Variants in UNC13C observed in about 807,000 individuals in gnomAD.
The protein encoded by UNC13C is unc-13 homolog C, also known as protein unc-13 homolog C.
UNC13C carries 174 observed loss-of-function variants against 245.4 expected under a neutral mutation model. The ratio of observed to expected loss-of-function variants is 0.71; its 90% confidence interval spans 0.63 to 0.80. The LOEUF is 0.80. Ranked by LOEUF, UNC13C falls within the 30% of genes least tolerant of loss-of-function variation. The pLI is 0.00. For synonymous variants in UNC13C, 992 were observed against 895.1 expected (o/e 1.11, Z -1.93); for missense variants, 2,829 against 2,602.9 (o/e 1.09, Z -1.89).
chr15:53,853,229 G>A, the UNC13C span, among the ~76,000 whole-genome samples: 1 of 152,082 alleles, frequency 6.6e-6, no homozygotes, highest in East Asian at 1.9e-4. Context: ...ATGTGTCTAT[G>A]TGTTCTCATC....
intron 1 of UNC13C, among the ~76,000 whole-genome samples, chr15:53,995,829 A>C (rs1894605545): frequency 6.6e-6 from 1 of 152,182 alleles, no homozygotes; most frequent in South Asian, 2.1e-4. Context: ...ATTTCAGTAG[A>C]GTACTGAGGC....
the UNC13C span, among the ~76,000 whole-genome samples, chr15:53,837,836 C>G: frequency 6.6e-6 from 1 of 152,068 alleles, no homozygotes; most frequent in East Asian, 1.9e-4. Context: ...TTTGAAATGC[C>G]ACCACTGTTA....
intron 19 of UNC13C, chr15:54,417,030 A>C (rs1264963047): frequency 1.1e-5 from 5 of 451,366 alleles, no homozygotes; most frequent in East Asian, 7.0e-5. Flanking sequence ...CATTATCTGT[A>C]GTAGCTCCCA....
chr15:54,008,872 T>C (rs955549165), intron 1 of UNC13C, among the ~76,000 whole-genome samples: 1 of 152,202 alleles, frequency 6.6e-6, no homozygotes. Flanking sequence ...AGTTTTTGGT[T>C]GTATCTCTTT....
At chr15:54,631,405 T>A (rs1374005825), downstream of UNC13C, 3 of 152,212 alleles carry the variant, frequency 2.0e-5, no homozygotes, top group Non-Finnish European at 4.4e-5. Flanking sequence ...GGCATACATT[T>A]CTGTGTTATG....
chr15:54,477,835 A>C (rs1230314121), intron 19 of UNC13C, among the ~76,000 whole-genome samples: 1 of 148,970 alleles, frequency 6.7e-6, no homozygotes, highest in Non-Finnish European at 1.5e-5. Flanking sequence ...AAATGAGTTA[A>C]GGAGGAGTCC....
intron 28 of UNC13C, among the ~76,000 whole-genome samples, chr15:54,553,534 G>C (rs550792630): frequency 9.3e-5 from 13 of 139,226 alleles, no homozygotes; most frequent in African/African-American, 3.4e-4. Flanking sequence ...ACATATATTT[G>C]CCTCAAAATA....
At chr15:54,073,661 T>C (rs1360520808) in intron 2 of UNC13C, among the ~76,000 whole-genome samples, 1 of 152,260 alleles carries the variant, frequency 6.6e-6, no homozygotes, top group East Asian at 1.9e-4. Context: ...CATATGTTTA[T>C]TGGCTGCATA....
At chr15:54,552,672 TATA>T (rs1380038495) in intron 28 of UNC13C, among the ~76,000 whole-genome samples, 4 of 84,318 alleles carry the variant, frequency 4.7e-5, no homozygotes, top group African/African-American at 2.2e-4. Flanking sequence ...TATTGTACTA[TATA>T]ATATAATTAT....
At chr15:54,120,339 C>T (rs955988738) in intron 2 of UNC13C, among the ~76,000 whole-genome samples, 4 of 152,124 alleles carry the variant, frequency 2.6e-5, no homozygotes, top group Non-Finnish European at 4.4e-5. Context: ...TACTTGTGCT[C>T]TGTTAATGGA....
chr15:54,506,997 GA>G lies in UNC13C; in HGVS notation c.5302-113del, dbSNP rs372527996. ...GGCTCAGAAACAGTTGTTAGAGGGA[GA>G]AAAAAATGTAGAACTAAGATGAAAA... On this transcript the variant is annotated intron_variant, in intron 22 of 32. Coordinates refer to ENST00000260323, the MANE Select transcript of UNC13C (RefSeq NM_001080534.3). 2,283 of 599,300 alleles carry G rather than the reference GA, an allele frequency of 3.8e-3. 11 individuals are homozygous for G. Among genetic ancestry groups the G allele is most frequent in the Middle Eastern group, 0.015 (35 of 2,364 alleles). 37.1% of individuals were successfully genotyped at this position (599,300 alleles called of 1,614,324 possible).
chr15:54,435,471 A>G (rs1055101825), intron 19 of UNC13C, among the ~76,000 whole-genome samples: 10 of 151,942 alleles, frequency 6.6e-5, no homozygotes, highest in Non-Finnish European at 1.5e-4. Context: ...GCAAACTAAC[A>G]CAAGAACAGA....
chr15:53,853,509 G>T, the UNC13C span, among the ~76,000 whole-genome samples: 23 of 152,132 alleles, frequency 1.5e-4, no homozygotes, highest in African/African-American at 5.1e-4. Flanking sequence ...ATTCCTTTGG[G>T]TATATGCTTA....
At chr15:54,563,484 A>G (rs1897377479) in intron 29 of UNC13C, among the ~76,000 whole-genome samples, 2 of 152,034 alleles carry the variant, frequency 1.3e-5, no homozygotes, top group Non-Finnish European at 2.9e-5. Context: ...CAGTCTAAGT[A>G]AAACATCTGA....
intron 4 of UNC13C, among the ~76,000 whole-genome samples, chr15:54,188,996 G>C (rs557021839): frequency 2.4e-4 from 36 of 151,980 alleles, no homozygotes; most frequent in South Asian, 4.1e-4. Flanking sequence ...TTAAAAATAA[G>C]GACTGTTGTT....
chr15:54,109,963 G>A (rs1900681496), intron 2 of UNC13C, among the ~76,000 whole-genome samples: 1 of 152,086 alleles, frequency 6.6e-6, no homozygotes, highest in African/African-American at 2.4e-5. Context: ...TCCAGCTATT[G>A]TTGCAGGTCC....
chr15:53,937,669 G>C, the UNC13C span, among the ~76,000 whole-genome samples: 2 of 152,164 alleles, frequency 1.3e-5, no homozygotes, highest in Admixed American at 1.3e-4. Context: ...AAATCCATCA[G>C]ACTAACAGTG....
intron 19 of UNC13C, among the ~76,000 whole-genome samples, chr15:54,454,236 A>G (rs1891345671): frequency 6.6e-6 from 1 of 152,098 alleles, no homozygotes; most frequent in Non-Finnish European, 1.5e-5. Context: ...ATCTATTTTC[A>G]GGACTTTTTC....
intron 7 of UNC13C, among the ~76,000 whole-genome samples, chr15:54,238,748 G>T (rs2140837883): frequency 6.6e-6 from 1 of 152,288 alleles, no homozygotes; most frequent in East Asian, 1.9e-4. Flanking sequence ...CTATGGCTTA[G>T]CACACTGTCT....
Sources: allele counts gnomAD v4.1 joint callset (sites outside exome capture counted in the v4.1 genomes callset), GRCh38; gene constraint gnomAD v4.1.1; transcripts MANE v1.5; gene names NCBI Gene and HGNC (gene_info 2026-07-23, HGNC 2026-07-21).